KIF24: variants seen among roughly 807,000 people sequenced by gnomAD.
The protein encoded by KIF24 is kinesin family member 24, also known as kinesin-like protein KIF24.
A neutral mutation model predicts 118.9 loss-of-function variants in KIF24; 81 were observed. The observed-to-expected ratio is 0.68, with a 90% CI of 0.57 to 0.82. KIF24 has a LOEUF of 0.82. Among genes scored for constraint, KIF24 ranks in the 40% least tolerant of loss-of-function variants. KIF24 has a pLI of 0.00. For missense variants in KIF24, 1,560 were observed against 1,661.6 expected (o/e 0.94, Z 1.06); for synonymous variants, 599 against 610.0 (o/e 0.98, Z 0.27).
chr9:34,315,990 T>C (rs1474704153), intron 1 of KIF24, among the ~76,000 whole-genome samples: 2 of 150,208 alleles, frequency 1.3e-5, no homozygotes, highest in Non-Finnish European at 3.0e-5. Context: ...GATTGTGCCA[T>C]TGCACTCCAA....
Position 34,290,395 on chromosome 9 carries a change from G to A in KIF24, c.912-6C>T. 1 of 1,587,484 alleles carries A rather than the reference G, an allele frequency of 6.3e-7. No homozygotes were observed. On this transcript the variant is annotated splice_region_variant and splice_polypyrimidine_tract_variant and intron_variant, in intron 4 of 12. Transcript: ENST00000402558. ...CAAAGCAAGTGGCATTGCCTCTGGG[G>A]AAAGGATAATTTGCATTACTTATGC...
At chr9:34,290,473 T>G (rs991697329) in intron 4 of KIF24, 84 bp from the exon 5 acceptor site, 8 of 806,118 alleles carry the variant, frequency 9.9e-6, no homozygotes, top group Non-Finnish European at 1.4e-5. Context: ...AAAGGTCAAA[T>G]GTAAACATAG....
intron 1 of KIF24, among the ~76,000 whole-genome samples, chr9:34,314,966 C>T (rs1837287758): frequency 6.6e-6 from 1 of 152,092 alleles, no homozygotes; most frequent in South Asian, 2.1e-4. Flanking sequence ...TATATCTTTG[C>T]TTATCAGACA....
At chr9:34,332,855 C>G (rs1367129865), upstream of KIF24, among the ~76,000 whole-genome samples, 1 of 152,006 alleles carries the variant, frequency 6.6e-6, no homozygotes, top group Non-Finnish European at 1.5e-5. Context: ...TTCTTCTCTT[C>G]CATTTGTTAT....
At chr9:34,288,768 A>C (rs915266671) in intron 5 of KIF24, among the ~76,000 whole-genome samples, 1 of 151,788 alleles carries the variant, frequency 6.6e-6, no homozygotes, top group Non-Finnish European at 1.5e-5. Context: ...TATACAGGGC[A>C]ATAAAATAAT....
rs1278919075 is a variant in KIF24 at position 34,257,774 on chromosome 9, C to G, written c.1833G>C (p.Leu611=). 3 of 1,614,024 alleles carry G rather than the reference C, an allele frequency of 1.9e-6. No homozygotes were observed. The change falls in exon 11 of 13, where the codon CTG becomes CTC. Residue 611 remains leucine, a synonymous_variant. Coordinates refer to ENST00000402558, the MANE Select transcript of KIF24 (RefSeq NM_194313.4). ...PGSTRGKVHP[L]TSHPPNIPFT... ...AAGGAATGTTGGGTGGGTGGCTGGT[C>G]AGAGGATGGACCTTCCCTCTCGTGG...
Position 34,266,504 on chromosome 9 carries a change from G to A in KIF24, c.1443+2753C>T, listed in dbSNP as rs569129361. On this transcript the variant is annotated intron_variant, in intron 8 of 12. Transcript: ENST00000402558. ...CCAGCATGGCCAACATGGTGAAACCGGGTCTCTACTAAAAATACAAAAAAT... is the reference window on the plus strand; with the variant it reads ...CCAGCATGGCCAACATGGTGAAACCAGGTCTCTACTAAAAATACAAAAAAT... 5.9e-5 allele frequency among the ~76,000 whole-genome samples: 9 copies of A among 151,826 alleles called. No homozygotes were observed. In the South Asian group the frequency reaches 1.2e-3, roughly 21 times the overall value.
At chr9:34,329,927 C>G (rs1199784495), upstream of KIF24, among the ~76,000 whole-genome samples, 2 of 152,260 alleles carry the variant, frequency 1.3e-5, no homozygotes, top group African/African-American at 4.8e-5. Flanking sequence ...CGAACCTTCC[C>G]CTCCCTGGGC....
intron 6 of KIF24, among the ~76,000 whole-genome samples, chr9:34,275,776 G>A (rs1587929255): frequency 6.6e-6 from 1 of 152,042 alleles, no homozygotes; most frequent in African/African-American, 2.4e-5. Flanking sequence ...GGAGGCGGAG[G>A]TTGCAGTGAG....
intron 4 of KIF24, among the ~76,000 whole-genome samples, chr9:34,291,851 T>C (rs2131756170): frequency 6.6e-6 from 1 of 151,864 alleles, no homozygotes; most frequent in African/African-American, 2.4e-5. Context: ...CCGAACTCAC[T>C]AAGCCAAATG....
chr9:34,330,679 C>T (rs189958806), upstream of KIF24, among the ~76,000 whole-genome samples: 24 of 151,988 alleles, frequency 1.6e-4, no homozygotes, highest in East Asian at 4.5e-3. Flanking sequence ...AAAATGGTAG[C>T]GGCCGGGCGC....
chr9:34,276,151 C>T (rs1390617471), intron 6 of KIF24, among the ~76,000 whole-genome samples: 3 of 152,032 alleles, frequency 2.0e-5, no homozygotes, highest in Non-Finnish European at 1.5e-5. Flanking sequence ...GCCTATAATC[C>T]GAGCACTTTG....
chr9:34,291,400 T>G (rs533008063), intron 4 of KIF24, among the ~76,000 whole-genome samples: 6 of 152,310 alleles, frequency 3.9e-5, no homozygotes, highest in African/African-American at 1.4e-4. Flanking sequence ...CCATATGACC[T>G]TAGGCAAGTC....
At chr9:34,309,836 A>AT (rs1433145018) in intron 2 of KIF24, among the ~76,000 whole-genome samples, 5 of 152,152 alleles carry the variant, frequency 3.3e-5, no homozygotes, top group Non-Finnish European at 5.9e-5. Context: ...AACCTTAGCC[A>AT]ATGTAAGACC....
chr9:34,261,778 A>C (rs528800650), intron 9 of KIF24, among the ~76,000 whole-genome samples: 36 of 152,116 alleles, frequency 2.4e-4, no homozygotes, highest in Non-Finnish European at 4.1e-4. Context: ...CATCTTTCCT[A>C]TCAGTACATA....
chr9:34,325,867 CAG>C (rs1433051189), intron 1 of KIF24, among the ~76,000 whole-genome samples: 1 of 152,092 alleles, frequency 6.6e-6, no homozygotes, highest in Non-Finnish European at 1.5e-5. Context: ...AAAATTGTGA[CAG>C]AGATGCTGGT....
intron 1 of KIF24, among the ~76,000 whole-genome samples, chr9:34,312,861 G>C (rs1275794017): frequency 2.0e-5 from 3 of 152,044 alleles, no homozygotes; most frequent in African/African-American, 4.8e-5. Context: ...ACCACACCCG[G>C]CTAATTTTTG....
intron 4 of KIF24, among the ~76,000 whole-genome samples, chr9:34,292,491 A>G (rs1248516268): frequency 6.6e-6 from 1 of 152,192 alleles, no homozygotes; most frequent in African/African-American, 2.4e-5. Context: ...ACTTTGGCAA[A>G]TAAATCTACA....
At chr9:34,323,820 G>C (rs1837593928) in intron 1 of KIF24, among the ~76,000 whole-genome samples, 1 of 152,102 alleles carries the variant, frequency 6.6e-6, no homozygotes, top group Admixed American at 6.5e-5. Context: ...GTAATTAATT[G>C]TGCTACCTGA....
Sources: gnomAD v4.1 joint callset for allele counts (sites outside exome capture counted in the v4.1 genomes callset) on GRCh38, gnomAD v4.1.1 for gene constraint, MANE v1.5 for transcripts, NCBI Gene and HGNC (gene_info 2026-07-23, HGNC 2026-07-21) for gene names.